Variants in RALYL observed in about 807,000 individuals in gnomAD.
RALYL encodes the protein RNA-binding Raly-like protein.
In RALYL, 29 loss-of-function variants were observed where a neutral mutation model predicts 35.1. The ratio of observed to expected loss-of-function variants is 0.83; its 90% confidence interval spans 0.61 to 1.13. RALYL has a LOEUF of 1.13. Ranked by LOEUF, RALYL falls within the 50% of genes most tolerant of loss-of-function variation. RALYL has a pLI of 0.00. For synonymous variants in RALYL, 120 were observed against 127.6 expected, an observed-to-expected ratio of 0.94 and a Z score of 0.40; for missense variants, 359 against 360.4, an observed-to-expected ratio of 1.00 and a Z score of 0.03.
At chr8:84,598,790 G>A (rs566396212) in intron 2 of RALYL, among the ~76,000 whole-genome samples, 1 of 152,188 alleles carries the variant, frequency 6.6e-6, no homozygotes, top group East Asian at 1.9e-4. Context: ...AAATATAGGA[G>A]TGCAGGTATC....
At chr8:84,683,531 T>C (rs1836081520) in intron 2 of RALYL, among the ~76,000 whole-genome samples, 1 of 152,164 alleles carries the variant, frequency 6.6e-6, no homozygotes, top group South Asian at 2.1e-4. Context: ...TGCTCCTGTA[T>C]TGGGTGCATA....
chr8:84,449,273 AGCAAATG>A (rs2049191046), intron 1 of RALYL, among the ~76,000 whole-genome samples: 1 of 151,958 alleles, frequency 6.6e-6, no homozygotes, highest in Non-Finnish European at 1.5e-5. Flanking sequence ...AGGTCCCCTT[AGCAAATG>A]GCAACAGTGG....
chr8:84,470,258 A>G (rs1225026188), intron 1 of RALYL, among the ~76,000 whole-genome samples: 1 of 152,202 alleles, frequency 6.6e-6, no homozygotes, highest in East Asian at 1.9e-4. Flanking sequence ...TAACATTAAG[A>G]GAATGATTAT....
intron 2 of RALYL, among the ~76,000 whole-genome samples, chr8:84,571,555 G>T (rs940101773): frequency 6.6e-6 from 1 of 151,580 alleles, no homozygotes; most frequent in Non-Finnish European, 1.5e-5. Flanking sequence ...TCCTTTCAAA[G>T]AACCAACTTT....
At chr8:84,550,203 CT>C (rs1377402280) in intron 2 of RALYL, among the ~76,000 whole-genome samples, 1 of 151,992 alleles carries the variant, frequency 6.6e-6, no homozygotes. Context: ...CTGGGTCTCT[CT>C]CTCTCTCTCT....
Position 84,334,339 on chromosome 8 carries a change from A to G in RALYL, c.-24+149915A>G, listed in dbSNP as rs199989141. Reference sequence around the variant, plus strand: ...AATTTTATATCAAATTATACTACATAACAATTTTATCAATTATGTATAATA... The same window carrying G: ...AATTTTATATCAAATTATACTACATGACAATTTTATCAATTATGTATAATA... On this transcript the variant is annotated intron_variant, in intron 1 of 8. Coordinates refer to ENST00000521268, the MANE Select transcript of RALYL (RefSeq NM_173848.7). 3.3e-5 allele frequency among the ~76,000 whole-genome samples: 5 copies of G among 152,180 alleles called. No individual in the cohort carries two copies. In the East Asian group the frequency reaches 5.8e-4, roughly 18 times the overall value.
chr8:84,882,701 A>G (rs1563803798), intron 7 of RALYL, among the ~76,000 whole-genome samples: 1 of 151,960 alleles, frequency 6.6e-6, no homozygotes, highest in African/African-American at 2.4e-5. Context: ...GACCCAAAGA[A>G]GCTTTAGCAG....
intron 1 of RALYL, among the ~76,000 whole-genome samples, chr8:84,514,580 C>A (rs1333425552): frequency 1.3e-5 from 2 of 152,124 alleles, no homozygotes; most frequent in Non-Finnish European, 2.9e-5. Context: ...TTGTTCCTTC[C>A]AACTATATCA....
chr8:84,663,179 C>T (rs1564332157), intron 2 of RALYL, among the ~76,000 whole-genome samples: 1 of 152,164 alleles, frequency 6.6e-6, no homozygotes, highest in Non-Finnish European at 1.5e-5. Context: ...TTTTTTATGG[C>T]TGCATACTAT....
At chr8:84,425,552 A>G (rs1445616980) in intron 1 of RALYL, among the ~76,000 whole-genome samples, 2 of 152,136 alleles carry the variant, frequency 1.3e-5, no homozygotes, top group Non-Finnish European at 1.5e-5. Context: ...AGCTGTTCCT[A>G]TTCGGCCATC....
chr8:84,523,139 G>C (rs1436683876), intron 1 of RALYL, among the ~76,000 whole-genome samples: 1 of 152,082 alleles, frequency 6.6e-6, no homozygotes, highest in East Asian at 1.9e-4. Flanking sequence ...ACCTGAGACT[G>C]GAATTGATAA....
Position 84,212,226 on chromosome 8 carries a change from C to G in RALYL, c.-24+27802C>G, listed in dbSNP as rs145065746. Among the ~76,000 whole-genome samples the G allele has an allele frequency of 3.0e-4, 45 of 152,202 alleles. No homozygotes were observed. In the East Asian group the frequency reaches 8.7e-3, roughly 29 times the overall value. Reference sequence around the variant, plus strand: ...AACATATTTTCTATGAATTACATCACTGTAGTGTTTTTTGACAAATAAATG... The same window carrying G: ...AACATATTTTCTATGAATTACATCAGTGTAGTGTTTTTTGACAAATAAATG... On this transcript the variant is annotated intron_variant, in intron 1 of 8. Transcript: ENST00000521268.
Position 84,185,005 on chromosome 8 carries a change from A to G in RALYL, c.-24+581A>G, listed in dbSNP as rs765328803. 4.3e-6 allele frequency: 7 copies of G among 1,613,856 alleles called. No individual in the cohort carries two copies. The South Asian group carries it at 7.7e-5, about 18-fold the overall frequency. On this transcript the variant is annotated intron_variant, in intron 1 of 8. Coordinates refer to ENST00000521268, the MANE Select transcript of RALYL (RefSeq NM_173848.7). ...CCTGCTCCTCCTCTTCGCAATGAGT[A>G]AACGACGCAGTAGGTCCTACCCAGC... is the stretch of plus-strand genomic sequence containing the variant.
chr8:84,253,221 G>T (rs1326211068), intron 1 of RALYL, among the ~76,000 whole-genome samples: 1 of 106,000 alleles, frequency 9.4e-6, no homozygotes, highest in African/African-American at 3.7e-5. Context: ...ACAGAATCTC[G>T]CTCTGTTGCC....
At chr8:84,740,661 G>A (rs185985004) in intron 2 of RALYL, among the ~76,000 whole-genome samples, 4 of 151,948 alleles carry the variant, frequency 2.6e-5, no homozygotes, top group African/African-American at 4.8e-5. Flanking sequence ...ACCTATTTAT[G>A]TCTATAACAC....
At chr8:84,623,829 G>A (rs1235795357) in intron 2 of RALYL, among the ~76,000 whole-genome samples, 1 of 152,140 alleles carries the variant, frequency 6.6e-6, no homozygotes, top group Non-Finnish European at 1.5e-5. Flanking sequence ...AAATCAAAGA[G>A]CATGGAATCC....
chr8:84,700,068 A>T (rs1392826393), intron 2 of RALYL, among the ~76,000 whole-genome samples: 3 of 152,138 alleles, frequency 2.0e-5, no homozygotes, highest in Admixed American at 2.0e-4. Context: ...CTGCAAATTT[A>T]TCCAAGTATA....
At chr8:84,343,613 T>G (rs1384267712) in intron 1 of RALYL, among the ~76,000 whole-genome samples, 10 of 151,874 alleles carry the variant, frequency 6.6e-5, no homozygotes, top group Non-Finnish European at 4.4e-5. Flanking sequence ...CAATATGATT[T>G]ATTTATTTAT....
intron 1 of RALYL, among the ~76,000 whole-genome samples, chr8:84,500,935 T>C (rs1244530123): frequency 1.3e-5 from 2 of 152,188 alleles, no homozygotes; most frequent in East Asian, 3.9e-4. Context: ...ATTATAATTA[T>C]TTGGAATGAC....
Sources: allele counts gnomAD v4.1 joint callset (sites outside exome capture counted in the v4.1 genomes callset), GRCh38; gene constraint gnomAD v4.1.1; transcripts MANE v1.5; gene names NCBI Gene and HGNC (gene_info 2026-07-23, HGNC 2026-07-21).